The following CDKN2B-AS1 variants were observed in gnomAD, a reference collection of about 807,000 sequenced individuals.
CDKN2B-AS1 encodes the protein CDKN2B antisense RNA 1 (non-protein coding).
At chr9:22,117,180 T>A (rs946761901) in intron 4 of CDKN2B-AS1, among the ~76,000 whole-genome samples, 1 of 152,232 alleles carries the variant, frequency 6.6e-6, no homozygotes, top group African/African-American at 2.4e-5. Context: ...AATTCACATA[T>A]TTAGAGCTTA....
intron 4 of CDKN2B-AS1, among the ~76,000 whole-genome samples, chr9:22,126,940 T>C (rs1818031389): frequency 6.6e-6 from 1 of 152,162 alleles, no homozygotes; most frequent in South Asian, 2.1e-4. Context: ...GTAGGTGAAG[T>C]ATTAAGACTA....
intron 1 of CDKN2B-AS1, chr9:22,030,084 C>G (rs1822405527): frequency 6.6e-6 from 1 of 152,162 alleles, no homozygotes; most frequent in Admixed American, 6.6e-5. Flanking sequence ...CTTGAAATAT[C>G]TGGTTTTACT....
chr9:22,039,484 C>G lies in CDKN2B-AS1; in HGVS notation n.30-7267C>G, dbSNP rs1385440834. On this transcript the variant is annotated intron_variant and non_coding_transcript_variant, in intron 1 of 4. Coordinates refer to ENST00000650946, the Ensembl canonical transcript of CDKN2B-AS1. The surrounding 1 kb of genome is among the most constrained non-coding windows in gnomAD (Gnocchi z 4.4). ...ATCTGTTTACTCTGTGTTTTAACAT[C>G]TGTGTGGATAGCATTGTTGTTGTAA... Among the ~76,000 whole-genome samples, 2 of 152,002 alleles carry G rather than the reference C, an allele frequency of 1.3e-5. No homozygotes were observed. The highest frequency in any genetic ancestry group is 2.4e-5 in the African/African-American group (1 of 41,414).
At chr9:22,115,218 G>T (rs4990722) in intron 4 of CDKN2B-AS1, among the ~76,000 whole-genome samples, 6,871 of 152,278 alleles carry the variant, frequency 0.045, 469 homozygotes, top group African/African-American at 0.15. Context: ...TTAGGCTGAA[G>T]AAGATTTACA....
chr9:22,032,345 C>T (rs1204943012), intron 1 of CDKN2B-AS1, among the ~76,000 whole-genome samples: 1 of 152,066 alleles, frequency 6.6e-6, no homozygotes, highest in Non-Finnish European at 1.5e-5. Flanking sequence ...TCCCCTTTTC[C>T]TCCCTTCCTT....
intron 4 of CDKN2B-AS1, among the ~76,000 whole-genome samples, chr9:22,082,509 A>G (rs1383847105): frequency 6.6e-6 from 1 of 152,198 alleles, no homozygotes; most frequent in Non-Finnish European, 1.5e-5. Context: ...ATTATATCTT[A>G]ATCCCACTGC....
At chr9:22,110,494 A>G (rs1211691339) in intron 4 of CDKN2B-AS1, among the ~76,000 whole-genome samples, 1 of 152,128 alleles carries the variant, frequency 6.6e-6, no homozygotes, top group East Asian at 1.9e-4. Flanking sequence ...AAGTGTTACA[A>G]ATATCTGCAT....
chr9:22,093,118 A>G (rs889299672), intron 4 of CDKN2B-AS1, among the ~76,000 whole-genome samples: 3 of 150,976 alleles, frequency 2.0e-5, no homozygotes. Context: ...TTCAGTTTCC[A>G]TGTAGGTGAG....
chr9:22,071,980 C>T (rs1765248883), intron 4 of CDKN2B-AS1, among the ~76,000 whole-genome samples: 1 of 152,194 alleles, frequency 6.6e-6, no homozygotes, highest in Non-Finnish European at 1.5e-5. Flanking sequence ...TGCCACTTTG[C>T]ATCATTCTGA....
intron 4 of CDKN2B-AS1, among the ~76,000 whole-genome samples, chr9:22,088,501 C>T (rs1243384410): frequency 6.6e-6 from 1 of 151,950 alleles, no homozygotes; most frequent in Non-Finnish European, 1.5e-5. Flanking sequence ...GTTCACAGGC[C>T]CTAGGCTAAG....
chr9:22,048,684 G>A (rs7028570), intron 2 of CDKN2B-AS1, among the ~76,000 whole-genome samples: 76,679 of 151,970 alleles, frequency 0.5, 19,891 homozygotes, highest in East Asian at 0.69. Flanking sequence ...CAACAAATGA[G>A]TGAAATTTGT....
At chr9:22,044,666 T>G (rs1278585463) in intron 1 of CDKN2B-AS1, among the ~76,000 whole-genome samples, 2 of 151,992 alleles carry the variant, frequency 1.3e-5, no homozygotes, top group Non-Finnish European at 2.9e-5. Flanking sequence ...TTTGCATAGC[T>G]TGATGAAATA....
chr9:22,123,506 A>G (rs1826137342), intron 4 of CDKN2B-AS1, among the ~76,000 whole-genome samples: 1 of 152,140 alleles, frequency 6.6e-6, no homozygotes, highest in African/African-American at 2.4e-5. Flanking sequence ...GTTGGGGAGA[A>G]ATGTGTTTGC....
chr9:22,033,632 T>G (rs546886199), intron 1 of CDKN2B-AS1, among the ~76,000 whole-genome samples: 34 of 152,188 alleles, frequency 2.2e-4, no homozygotes, highest in Non-Finnish European at 4.3e-4. Flanking sequence ...GTTATCTTTC[T>G]CAGGTAAAAA....
At chr9:22,079,453 A>G (rs1429141214) in intron 4 of CDKN2B-AS1, among the ~76,000 whole-genome samples, 1 of 150,342 alleles carries the variant, frequency 6.7e-6, no homozygotes, top group Non-Finnish European at 1.5e-5. Context: ...GTGCCTCTGT[A>G]CTCCAGCTTG....
At chr9:22,036,198 T>C (rs1375526486) in intron 1 of CDKN2B-AS1, among the ~76,000 whole-genome samples, 3 of 152,142 alleles carry the variant, frequency 2.0e-5, no homozygotes, top group Admixed American at 2.0e-4. Flanking sequence ...TCCTTTTGAA[T>C]TGAAATTATA....
At chr9:22,114,333 C>G (rs969344060) in intron 4 of CDKN2B-AS1, among the ~76,000 whole-genome samples, 4 of 152,170 alleles carry the variant, frequency 2.6e-5, no homozygotes, top group Non-Finnish European at 5.9e-5. Context: ...TTAAATATAT[C>G]TCTACTTGAA....
At chr9:22,073,377 G>T (rs1247328953) in intron 4 of CDKN2B-AS1, among the ~76,000 whole-genome samples, 1 of 152,156 alleles carries the variant, frequency 6.6e-6, no homozygotes, top group East Asian at 1.9e-4. Context: ...TAAAAGCACT[G>T]TGCATCTAGG....
chr9:22,080,871 G>C (rs1036835271), intron 4 of CDKN2B-AS1, among the ~76,000 whole-genome samples: 2 of 152,202 alleles, frequency 1.3e-5, no homozygotes, highest in African/African-American at 2.4e-5. Flanking sequence ...TATTCCAAAA[G>C]TACTATGACT....
Sources: gnomAD v4.1 joint callset for allele counts (sites outside exome capture counted in the v4.1 genomes callset) on GRCh38, gnomAD v4.1.1 for gene constraint, Gnocchi (gnomAD v3.1) non-coding constraint, MANE v1.5 for transcripts, NCBI Gene and HGNC (gene_info 2026-07-23, HGNC 2026-07-21) for gene names.